The following COL21A1 variants were observed in gnomAD, a reference collection of about 807,000 sequenced individuals.
The protein encoded by COL21A1 is collagen type XXI alpha 1 chain.
A neutral mutation model predicts 137.9 loss-of-function variants in COL21A1; 149 were observed. The observed-to-expected ratio is 1.08, with a 90% confidence interval of 0.95 to 1.24. The LOEUF (loss-of-function observed/expected upper bound fraction) is 1.24, where lower values mean the gene tolerates loss of function less well. COL21A1 is among the 50% of genes most tolerant of loss of function. The pLI, the probability that COL21A1 is intolerant of heterozygous loss-of-function variation, is 0.00. For synonymous variants in COL21A1, 456 were observed against 391.5 expected, an observed-to-expected ratio of 1.16 and a Z score of -1.95; for missense variants, 1,167 against 1,158.4, an observed-to-expected ratio of 1.01 and a Z score of -0.11.
intron 5 of COL21A1, among the ~76,000 whole-genome samples, 198 bp from the exon 6 acceptor site, chr6:56,168,495 G>A (rs920400374): frequency 2.0e-5 from 3 of 152,000 alleles, no homozygotes; most frequent in Admixed American, 2.0e-4. Context: ...CTTTATCTGA[G>A]TTCCTATTAC....
chr6:56,345,345 C>G (rs1765572087), intron 1 of COL21A1, among the ~76,000 whole-genome samples: 1 of 148,080 alleles, frequency 6.8e-6, no homozygotes, highest in South Asian at 2.3e-4. Flanking sequence ...ACAATAAATA[C>G]CCATTTGTTG....
At chr6:56,325,660 A>G (rs1350419408) in intron 1 of COL21A1, among the ~76,000 whole-genome samples, 14 of 714 alleles carry the variant, frequency 0.02, 3 homozygotes, top group East Asian at 0.5. Context: ...TATATTATAT[A>G]TTAAATATAT....
intron 17 of COL21A1, among the ~76,000 whole-genome samples, chr6:56,087,053 C>T (rs1301015317): frequency 6.8e-6 from 1 of 146,898 alleles, no homozygotes; most frequent in East Asian, 2.0e-4. Context: ...GGACCCTTGT[C>T]CCTTCACCTT....
At chr6:56,172,278 A>C (rs1053056426) in intron 3 of COL21A1, among the ~76,000 whole-genome samples, 1 of 152,132 alleles carries the variant, frequency 6.6e-6, no homozygotes, top group Admixed American at 6.5e-5. Context: ...GAAAGCAGCA[A>C]GAAAAAAGAG....
At chr6:56,196,234 G>T (rs1779016551) in intron 1 of COL21A1, among the ~76,000 whole-genome samples, 1 of 151,982 alleles carries the variant, frequency 6.6e-6, no homozygotes, top group Admixed American at 6.6e-5. Flanking sequence ...GATAATAAAA[G>T]CCATATATGA....
rs780824473 is a variant in COL21A1 at position 56,166,754 on chromosome 6, T to C, written c.1278+152A>G. 1.5e-5 allele frequency: 11 copies of C among 712,646 alleles called. No individual in the cohort carries two copies. In the South Asian group the frequency reaches 1.7e-4, roughly 11 times the overall value. The allele number at this position is 712,646 out of a possible 1,614,324, so 44.1% of individuals were successfully genotyped here. ...TCATTTCAATTATAACCTCAAAATA[T>C]GTTTTGCTTCATGTAACTTCACTTC... On this transcript the variant is annotated intron_variant, in intron 7 of 29. Transcript: ENST00000244728.
intron 19 of COL21A1, among the ~76,000 whole-genome samples, chr6:56,074,732 C>A (rs12212998): frequency 0.15 from 22,964 of 151,162 alleles, 1,776 homozygotes; most frequent in Middle Eastern, 0.22. Context: ...AATCTTTCTT[C>A]AGGGTACAAA....
chr6:56,332,958 G>A (rs1765264252), intron 1 of COL21A1, among the ~76,000 whole-genome samples: 1 of 151,884 alleles, frequency 6.6e-6, no homozygotes, highest in Non-Finnish European at 1.5e-5. Context: ...TTACCAACTT[G>A]TCATTTTTCA....
intron 24 of COL21A1, among the ~76,000 whole-genome samples, chr6:56,062,191 T>G (rs1237333103): frequency 1.3e-5 from 2 of 152,124 alleles, no homozygotes; most frequent in Non-Finnish European, 2.9e-5. Flanking sequence ...CCAGCTGTCC[T>G]GTGCTTAAAC....
intron 1 of COL21A1, among the ~76,000 whole-genome samples, chr6:56,242,178 T>C (rs181431716): frequency 1.3e-5 from 2 of 152,164 alleles, no homozygotes; most frequent in Admixed American, 6.5e-5. Context: ...AAAATACGTA[T>C]ACAACAAGGT....
At chr6:56,175,698 A>G (rs919936928) in intron 3 of COL21A1, among the ~76,000 whole-genome samples, 1 of 152,174 alleles carries the variant, frequency 6.6e-6, no homozygotes, top group Non-Finnish European at 1.5e-5. Context: ...TAAAAAGTCC[A>G]TACTGCCTAA....
chr6:56,099,295 G>A (rs1204683426), intron 17 of COL21A1, among the ~76,000 whole-genome samples: 5 of 139,340 alleles, frequency 3.6e-5, no homozygotes, highest in East Asian at 2.1e-4. Flanking sequence ...GTGCAGTGGC[G>A]CCATCTCGGC....
intron 1 of COL21A1, among the ~76,000 whole-genome samples, chr6:56,333,888 G>A (rs1239367158): frequency 1.3e-5 from 2 of 151,988 alleles, no homozygotes; most frequent in African/African-American, 2.4e-5. Context: ...CTCTTCATGG[G>A]ATTATTTTCC....
At chr6:56,329,542 G>A (rs1765173172) in intron 1 of COL21A1, among the ~76,000 whole-genome samples, 1 of 152,048 alleles carries the variant, frequency 6.6e-6, no homozygotes, top group African/African-American at 2.4e-5. Flanking sequence ...GTTTAGTTCA[G>A]GGGTGAGAGG....
intron 1 of COL21A1, among the ~76,000 whole-genome samples, chr6:56,286,097 G>T (rs78522878): frequency 0.059 from 9,026 of 152,172 alleles, 425 homozygotes; most frequent in African/African-American, 0.13. Flanking sequence ...AAACTGGCCA[G>T]TCAGAAACCA....
At chr6:56,197,193 C>T (rs1425284096) in intron 1 of COL21A1, among the ~76,000 whole-genome samples, 1 of 151,964 alleles carries the variant, frequency 6.6e-6, no homozygotes, top group African/African-American at 2.4e-5. Flanking sequence ...ACCCTTAGAG[C>T]ATACACAAAA....
At chr6:56,096,984 G>A (rs577030971) in intron 17 of COL21A1, among the ~76,000 whole-genome samples, 69 of 151,510 alleles carry the variant, frequency 4.6e-4, no homozygotes, top group African/African-American at 1.6e-3. Flanking sequence ...CATTTGCACA[G>A]CATAATAAAA....
intron 1 of COL21A1, among the ~76,000 whole-genome samples, chr6:56,242,128 C>A (rs1326586997): frequency 6.6e-6 from 1 of 152,086 alleles, no homozygotes; most frequent in Non-Finnish European, 1.5e-5. Flanking sequence ...TATACATACC[C>A]TATAAGTGGA....
At position 56,072,092 on chromosome 6, in the gene COL21A1, A is replaced by T. The variant is rs907312787; in HGVS notation, c.1966-1294T>A. Among the ~76,000 whole-genome samples the T allele has an allele frequency of 2.0e-5, 3 of 151,502 alleles. No homozygotes were observed. The South Asian group carries it at 6.2e-4, about 31-fold the overall frequency. ...GTGATGTTTGGTTTTCTGTTCCTGC[A>T]TTAGATTGCTGAGGATAATGACTTC... On this transcript the variant is annotated intron_variant, in intron 20 of 29. Transcript: ENST00000244728.
Sources: gnomAD v4.1 joint callset for allele counts (sites outside exome capture counted in the v4.1 genomes callset) on GRCh38, gnomAD v4.1.1 for gene constraint, MANE v1.5 for transcripts, NCBI Gene and HGNC (gene_info 2026-07-23, HGNC 2026-07-21) for gene names.